The following NIPAL3 variants were observed in gnomAD, a reference collection of about 807,000 sequenced individuals.
NIPAL3 encodes NIPA like domain containing 3.
In NIPAL3, 41 loss-of-function variants were observed where a neutral mutation model predicts 47.2. That is an observed-to-expected ratio of 0.87 (90% CI 0.68 to 1.13). The LOEUF (loss-of-function observed/expected upper bound fraction) is 1.13, where lower values mean the gene tolerates loss of function less well. Among genes scored for constraint, NIPAL3 ranks in the 50% most tolerant of loss-of-function variants. The pLI, the probability that NIPAL3 is intolerant of heterozygous loss-of-function variation, is 0.00. For missense variants in NIPAL3, 449 were observed against 530.1 expected (o/e 0.85, Z 1.50); for synonymous variants, 194 against 209.6 (o/e 0.93, Z 0.64).
chr1:24,465,957 C>G, intron 11 of NIPAL3: 1 of 1,571,476 alleles, frequency 6.4e-7, no homozygotes, highest in Non-Finnish European at 8.6e-7. Context: ...TTTCCAGCCA[C>G]TTGGTTTCCC....
chr1:24,427,999 A>G (rs1171827297), intron 2 of NIPAL3, among the ~76,000 whole-genome samples: 1 of 152,002 alleles, frequency 6.6e-6, no homozygotes, highest in Admixed American at 6.6e-5. Context: ...TAATCCCAGA[A>G]CTCTGGAAGG....
At chr1:24,459,039 C>A (rs1646350834) in intron 9 of NIPAL3, 63 bp downstream of exon 9, 1 of 1,401,938 alleles carries the variant, frequency 7.1e-7, no homozygotes, top group Non-Finnish European at 1.0e-6. Context: ...TATCCCAGGG[C>A]AGAGGGAGGC....
Position 24,419,375 on chromosome 1 carries a change from G to A in NIPAL3, c.-173G>A. On this transcript the variant is annotated 5_prime_UTR_variant, in exon 2 of 12. Transcript: ENST00000374399. ...TGGCACTTCTCTGAGTGAAGCTGAG[G>A]AGAAGGCTGTAAATCTGCCAAAACA... 1 of 1,323,698 alleles carries A rather than the reference G, an allele frequency of 7.6e-7. No individual in the cohort carries two copies. The highest frequency in any genetic ancestry group is 9.6e-7 in the Non-Finnish European group (1 of 1,039,312). 82.0% of individuals were successfully genotyped at this position (1,323,698 alleles called of 1,614,324 possible). A position where few individuals can be genotyped will look rare whatever the true frequency, so the allele number is the denominator to read the frequency against.
At chr1:24,434,310 C>T (rs1645005372) in intron 2 of NIPAL3, among the ~76,000 whole-genome samples, 1 of 151,870 alleles carries the variant, frequency 6.6e-6, no homozygotes, top group African/African-American at 2.4e-5. Flanking sequence ...TAATATTAAA[C>T]AAAATAGACT....
chr1:24,461,375 G>A (rs1233187847), intron 10 of NIPAL3, among the ~76,000 whole-genome samples: 2 of 151,688 alleles, frequency 1.3e-5, no homozygotes, highest in East Asian at 1.9e-4. Flanking sequence ...AACCCCGTCT[G>A]TACTAAAAAT....
At chr1:24,468,789 C>T (rs1646803464) in intron 11 of NIPAL3, among the ~76,000 whole-genome samples, 197 bp from the exon 12 acceptor site, 1 of 152,182 alleles carries the variant, frequency 6.6e-6, no homozygotes, top group Admixed American at 6.5e-5. Context: ...AGATTCATCC[C>T]TTGTTGCTTA....
At position 24,469,527 on chromosome 1, in the gene NIPAL3, T is replaced by G. The variant is rs573392638; in HGVS notation, c.*342T>G. 1 of 219,298 alleles carries G rather than the reference T, an allele frequency of 4.6e-6. No homozygotes were observed. The highest frequency in any genetic ancestry group is 2.2e-5 in the African/African-American group (1 of 44,540). The allele number at this position is 219,298 out of a possible 1,614,324, so 13.6% of individuals were successfully genotyped here. Reference sequence around the variant, plus strand: ...CAAAGGATGCTGTATCCTTCAGAGCTAAGGCAAGACAGAGAGTCTGCTGTT... The same window carrying G: ...CAAAGGATGCTGTATCCTTCAGAGCGAAGGCAAGACAGAGAGTCTGCTGTT... On this transcript the variant is annotated 3_prime_UTR_variant, in exon 12 of 12. Transcript: ENST00000374399.
upstream of NIPAL3, chr1:24,413,530 G>C (rs1643845035): frequency 6.6e-6 from 1 of 152,298 alleles, no homozygotes; most frequent in Admixed American, 6.5e-5. Context: ...CGCCCTCGGG[G>C]CTCCACCTAG....
At position 24,433,826 on chromosome 1, in the gene NIPAL3, G is replaced by A. The variant is rs75176757; in HGVS notation, c.94-6346G>A. 2.1e-3 allele frequency among the ~76,000 whole-genome samples: 322 copies of A among 150,614 alleles called. 10 individuals carry two copies. In the East Asian group the frequency reaches 0.055, roughly 26 times the overall value. On this transcript the variant is annotated intron_variant, in intron 2 of 11. Transcript: ENST00000374399. ...CATAATGGGTGGGGGAGAGAGATGG[G>A]AACTATATAGGAGCAAAGTTTTGTA...
intron 2 of NIPAL3, among the ~76,000 whole-genome samples, chr1:24,432,067 G>A (rs1201871835): frequency 6.6e-6 from 1 of 152,096 alleles, no homozygotes; most frequent in Non-Finnish European, 1.5e-5. Context: ...GGCACTGAAG[G>A]AACAAGTGAC....
In NIPAL3 at chr1:24,445,355, G is replaced by A. The variant is rs893881528; in HGVS notation, c.394+111G>A. On this transcript the variant is annotated intron_variant, in intron 5 of 11. Coordinates refer to ENST00000374399, the MANE Select transcript of NIPAL3 (RefSeq NM_020448.5). ...TTATCTGCCTCCTGCTGTCCTCTGT[G>A]GTTCTATGTTCTGCCCTCAACAGGC... 12 of 747,218 alleles carry A rather than the reference G, an allele frequency of 1.6e-5. No individual in the cohort carries two copies. In the African/African-American group the frequency reaches 2.1e-4, roughly 13 times the overall value. 46.3% of individuals were successfully genotyped at this position (747,218 alleles called of 1,614,324 possible). A position where few individuals can be genotyped will look rare whatever the true frequency, so the allele number is the denominator to read the frequency against.
chr1:24,451,779 T>C lies in NIPAL3; in HGVS notation c.541-1629T>C. ...ACCCCTCAAATGCAGGCACAGTGGT[T>C]GGGAATGTTGATGATTGACAGCACA... is the stretch of plus-strand genomic sequence containing the variant. On this transcript the variant is annotated intron_variant, in intron 6 of 11. Transcript: ENST00000374399. The surrounding 1 kb of genome is among the most constrained non-coding windows in gnomAD (Gnocchi z 4.5). Among the ~76,000 whole-genome samples the C allele has an allele frequency of 6.6e-6, 1 of 152,022 alleles. No homozygotes were observed. Among genetic ancestry groups the C allele is most frequent in the East Asian group, 1.9e-4 (1 of 5,196 alleles).
chr1:24,445,409 G>A (rs1264928532), intron 5 of NIPAL3, among the ~76,000 whole-genome samples, 165 bp downstream of exon 5: 2 of 152,244 alleles, frequency 1.3e-5, no homozygotes, highest in Middle Eastern at 3.4e-3. Context: ...TTAATCAGGG[G>A]TTCTCAAGCC....
rs1447792329 is a variant in NIPAL3 at position 24,464,275 on chromosome 1, G to C, written c.1021+155G>C. The C allele has an allele frequency of 5.7e-6, 3 of 522,994 alleles. No homozygotes were observed. In the African/African-American group the frequency reaches 5.9e-5, roughly 10 times the overall value. The allele number at this position is 522,994 out of a possible 1,614,324, so 32.4% of individuals were successfully genotyped here. ...TTTTCTTTTTAATTTTGTGCAAAAG[G>C]GTAGGCAATGGCTGAGGCACCTCGG... On this transcript the variant is annotated intron_variant, in intron 11 of 11. Transcript: ENST00000374399.
chr1:24,435,541 A>G (rs1401821730), intron 2 of NIPAL3, among the ~76,000 whole-genome samples: 1 of 152,242 alleles, frequency 6.6e-6, no homozygotes, highest in Non-Finnish European at 1.5e-5. Flanking sequence ...TCAGATTAAC[A>G]CCAACTTAAT....
chr1:24,463,252 A>G (rs1444026138), intron 10 of NIPAL3, among the ~76,000 whole-genome samples: 1 of 152,196 alleles, frequency 6.6e-6, no homozygotes, highest in African/African-American at 2.4e-5. Flanking sequence ...GAAAGAAACC[A>G]GACATAAAAG....
chr1:24,462,711 G>A (rs1489468798), intron 10 of NIPAL3, among the ~76,000 whole-genome samples: 1 of 152,156 alleles, frequency 6.6e-6, no homozygotes, highest in East Asian at 1.9e-4. Context: ...AGGTTGCAGT[G>A]AGCCAAGATC....
Position 24,454,322 on chromosome 1 carries a change from G to C in NIPAL3, c.637+818G>C. 1 of 1,115,372 alleles carries C rather than the reference G, an allele frequency of 9.0e-7. No individual in the cohort carries two copies. The highest frequency in any genetic ancestry group is 1.1e-6 in the Non-Finnish European group (1 of 905,498). The allele number at this position is 1,115,372 out of a possible 1,614,324, so 69.1% of individuals were successfully genotyped here. On this transcript the variant is annotated intron_variant, in intron 7 of 11. Transcript: ENST00000374399. This position sits in a 1 kb window ranked among gnomAD's most constrained non-coding sequence, Gnocchi z 4.1. Reference sequence around the variant, plus strand: ...GCCTGCTACCGCGCTGCTCTTGAGTGGCCTCAGGCTAATGACCCTCCCTCC... The same window carrying C: ...GCCTGCTACCGCGCTGCTCTTGAGTCGCCTCAGGCTAATGACCCTCCCTCC...
chr1:24,414,489 G>GTCCC (rs967176072), upstream of NIPAL3: 1 of 148,700 alleles, frequency 6.7e-6, no homozygotes, highest in Non-Finnish European at 1.5e-5. Flanking sequence ...CCTGCTTAAA[G>GTCCC]TCCTCCAATG....
Sources: allele counts gnomAD v4.1 joint callset (sites outside exome capture counted in the v4.1 genomes callset), GRCh38; gene constraint gnomAD v4.1.1; non-coding constraint Gnocchi (gnomAD v3.1); transcripts MANE v1.5; gene names NCBI Gene and HGNC (gene_info 2026-07-23, HGNC 2026-07-21).